NECAB1: variants seen among roughly 807,000 people sequenced by gnomAD.
NECAB1 encodes the protein N-terminal EF-hand calcium-binding protein 1.
A neutral mutation model predicts 57.5 loss-of-function variants in NECAB1; 29 were observed. The ratio of observed to expected loss-of-function variants is 0.50; its 90% confidence interval spans 0.38 to 0.69. The LOEUF (loss-of-function observed/expected upper bound fraction) is 0.69. Among genes scored for constraint, NECAB1 ranks in the 30% least tolerant of loss-of-function variants. The probability of loss-of-function intolerance (pLI) is 0.00; values close to 1 mark genes in which losing one functional copy is unlikely to be tolerated. For synonymous variants in NECAB1, 142 were observed against 147.7 expected (o/e 0.96, Z 0.28); for missense variants, 372 against 413.8 (o/e 0.90, Z 0.88).
intron 6 of NECAB1, among the ~76,000 whole-genome samples, chr8:90,924,115 C>A (rs1810199986): frequency 1.3e-5 from 2 of 152,094 alleles, no homozygotes; most frequent in Non-Finnish European, 2.9e-5. Context: ...GAGAGAAAAA[C>A]CAGGCCATAT....
At chr8:90,818,478 C>T (rs1343533796) in intron 2 of NECAB1, among the ~76,000 whole-genome samples, 1 of 152,016 alleles carries the variant, frequency 6.6e-6, no homozygotes, top group African/African-American at 2.4e-5. Flanking sequence ...GACTTTATTT[C>T]ACCATTACCT....
chr8:90,917,879 T>TGTGTGC (rs1563533218), intron 6 of NECAB1, among the ~76,000 whole-genome samples: 1 of 122,796 alleles, frequency 8.1e-6, no homozygotes, highest in East Asian at 2.9e-4. Context: ...TATGTGTGTG[T>TGTGTGC]GTGCGTGTAT....
At chr8:90,950,797 C>G (rs1354611988) in intron 11 of NECAB1, among the ~76,000 whole-genome samples, 3 of 152,062 alleles carry the variant, frequency 2.0e-5, no homozygotes, top group Admixed American at 2.0e-4. Flanking sequence ...GTAAAATATA[C>G]AGTCTGTCTT....
At chr8:90,797,852 G>A (rs1202022059) in intron 1 of NECAB1, among the ~76,000 whole-genome samples, 1 of 152,214 alleles carries the variant, frequency 6.6e-6, no homozygotes, top group African/African-American at 2.4e-5. Context: ...CTCAAGGAGT[G>A]CTATCTGGAC....
chr8:90,824,235 C>T (rs1213170868), intron 2 of NECAB1, among the ~76,000 whole-genome samples: 1 of 151,828 alleles, frequency 6.6e-6, no homozygotes. Flanking sequence ...AAGGTACTCA[C>T]TGATTTAAAG....
At chr8:90,863,948 T>C (rs938717530) in intron 3 of NECAB1, among the ~76,000 whole-genome samples, 3 of 152,118 alleles carry the variant, frequency 2.0e-5, no homozygotes, top group African/African-American at 4.8e-5. Flanking sequence ...ATTTGAACTG[T>C]AGCAGCTATT....
At chr8:90,934,714 G>A (rs778210964) in intron 9 of NECAB1, among the ~76,000 whole-genome samples, 46 of 152,188 alleles carry the variant, frequency 3.0e-4, no homozygotes, top group Non-Finnish European at 5.7e-4. Context: ...ATACCTGAGC[G>A]GAAACCTGGT....
intron 3 of NECAB1, among the ~76,000 whole-genome samples, chr8:90,826,509 G>A (rs1812227675): frequency 6.6e-6 from 1 of 151,922 alleles, no homozygotes; most frequent in African/African-American, 2.4e-5. Context: ...ATGCTTTAAA[G>A]AATAAAAGAG....
Position 90,955,781 on chromosome 8 carries a change from C to G in NECAB1, c.*269C>G, listed in dbSNP as rs1586156091. 1 of 365,036 alleles carries G rather than the reference C, an allele frequency of 2.7e-6. No homozygotes were observed. Among genetic ancestry groups the G allele is most frequent in the African/African-American group, 2.1e-5 (1 of 47,158 alleles). The allele number at this position is 365,036 out of a possible 1,614,324, so 22.6% of individuals were successfully genotyped here. A position where few individuals can be genotyped will look rare whatever the true frequency, so the allele number is the denominator to read the frequency against. ...CCTAAAACCTTTTAGTGACAAAATC[C>G]TAATATGTGGAAAAAAGCATATGCA... is the stretch of plus-strand genomic sequence containing the variant. On this transcript the variant is annotated 3_prime_UTR_variant, in exon 13 of 13. Transcript: ENST00000417640.
chr8:90,937,711 G>A (rs1454300983), intron 9 of NECAB1, among the ~76,000 whole-genome samples: 1 of 152,172 alleles, frequency 6.6e-6, no homozygotes, highest in African/African-American at 2.4e-5. Context: ...CAACATTTGA[G>A]CACATTCTTG....
chr8:90,817,098 T>C (rs751135930), intron 2 of NECAB1, among the ~76,000 whole-genome samples: 4 of 151,834 alleles, frequency 2.6e-5, no homozygotes, highest in Non-Finnish European at 4.4e-5. Flanking sequence ...AAATTTCTAA[T>C]TCCAATTGCT....
At chr8:90,925,505 TA>T in intron 6 of NECAB1, 29 bp from the exon 7 acceptor site, 1 of 1,606,502 alleles carries the variant, frequency 6.2e-7, no homozygotes, top group Non-Finnish European at 8.5e-7. Flanking sequence ...GCACTAACAT[TA>T]AGGTTAAATG....
chr8:90,811,205 C>A (rs1407369803), intron 2 of NECAB1, among the ~76,000 whole-genome samples: 1 of 152,146 alleles, frequency 6.6e-6, no homozygotes, highest in Non-Finnish European at 1.5e-5. Flanking sequence ...CCTGCCTCGG[C>A]CTCCCAAAGT....
At chr8:90,875,863 T>G (rs1026460148) in intron 4 of NECAB1, among the ~76,000 whole-genome samples, 2 of 548 alleles carry the variant, frequency 3.6e-3, no homozygotes, top group Non-Finnish European at 3.9e-3. Flanking sequence ...AAAAAAAAAT[T>G]ACCGGGCGTG....
At chr8:90,911,860 T>C (rs1478966313) in intron 5 of NECAB1, among the ~76,000 whole-genome samples, 1 of 152,182 alleles carries the variant, frequency 6.6e-6, no homozygotes, top group Non-Finnish European at 1.5e-5. Flanking sequence ...TGAGCATTTA[T>C]CAAAAATTAT....
At chr8:90,920,355 A>C (rs1810076330) in intron 6 of NECAB1, among the ~76,000 whole-genome samples, 1 of 152,112 alleles carries the variant, frequency 6.6e-6, no homozygotes, top group Non-Finnish European at 1.5e-5. Context: ...TTATGCCCAA[A>C]CCTAAAGGGA....
chr8:90,950,153 AG>A lies in NECAB1; in HGVS notation c.938+274del, dbSNP rs1810896261. Among the ~76,000 whole-genome samples the A allele has an allele frequency of 2.6e-5, 4 of 152,222 alleles. 1 individual carries two copies. Among genetic ancestry groups the A allele is most frequent in the African/African-American group, 9.6e-5 (4 of 41,562 alleles). On this transcript the variant is annotated intron_variant, in intron 11 of 12. Transcript: ENST00000417640. ...TGTTTTCAGATAAGAAGATATAGAT[AG>A]GGGGTATGAGTGTCTAAAGCTGGTG... is the stretch of plus-strand genomic sequence containing the variant.
chr8:90,955,607 T>C lies in NECAB1; in HGVS notation c.*95T>C. The C allele has an allele frequency of 1.1e-6, 1 of 907,716 alleles. No homozygotes were observed. Among genetic ancestry groups the C allele is most frequent in the Non-Finnish European group, 1.6e-6 (1 of 607,914 alleles). 56.2% of individuals were successfully genotyped at this position (907,716 alleles called of 1,614,324 possible). ...AAATTATCTGCGGTTGTTAATCTAC[T>C]GTATATTTTTGTTTGGTATATTTAC... On this transcript the variant is annotated 3_prime_UTR_variant, in exon 13 of 13. Transcript: ENST00000417640.
chr8:90,910,106 CG>C (rs1453810910), intron 5 of NECAB1, among the ~76,000 whole-genome samples: 1 of 151,786 alleles, frequency 6.6e-6, no homozygotes, highest in Non-Finnish European at 1.5e-5. Flanking sequence ...GACTTAATTT[CG>C]GAAATAATAC....
Sources: allele counts gnomAD v4.1 joint callset (sites outside exome capture counted in the v4.1 genomes callset), GRCh38; gene constraint gnomAD v4.1.1; transcripts MANE v1.5; gene names NCBI Gene and HGNC (gene_info 2026-07-23, HGNC 2026-07-21).